ELMO1: variants seen among roughly 807,000 people sequenced by gnomAD.
ELMO1 encodes engulfment and cell motility 1, also known as engulfment and cell motility protein 1.
ELMO1 carries 26 observed loss-of-function variants against 98.9 expected under a neutral mutation model. That is an observed-to-expected ratio of 0.26 (90% confidence interval 0.19 to 0.36). ELMO1 has a LOEUF of 0.36. Among genes scored for constraint, ELMO1 ranks in the 10% least tolerant of loss-of-function variants. The probability of loss-of-function intolerance (pLI) is 1.00; values close to 1 mark genes in which losing one functional copy is unlikely to be tolerated. For synonymous variants in ELMO1, 346 were observed against 346.0 expected, an observed-to-expected ratio of 1.00 and a Z score of 0.00; for missense variants, 627 against 935.2, an observed-to-expected ratio of 0.67 and a Z score of 4.30.
chr7:37,373,169 C>G (rs1261263211), intron 1 of ELMO1, among the ~76,000 whole-genome samples: 1 of 152,182 alleles, frequency 6.6e-6, no homozygotes, highest in African/African-American at 2.4e-5. Flanking sequence ...TAGCAGAGGT[C>G]GGTTCTGGGA....
chr7:36,865,390 C>T (rs1050662320), intron 20 of ELMO1, among the ~76,000 whole-genome samples: 1 of 151,982 alleles, frequency 6.6e-6, no homozygotes, highest in East Asian at 1.9e-4. Flanking sequence ...TTTTAGAAGG[C>T]AAAAAACACT....
At chr7:37,323,873 G>A (rs2131156330) in intron 2 of ELMO1, among the ~76,000 whole-genome samples, 1 of 152,188 alleles carries the variant, frequency 6.6e-6, no homozygotes, top group Non-Finnish European at 1.5e-5. Flanking sequence ...AGGATGCCCT[G>A]CCACCCTTTT....
chr7:37,379,046 C>CT (rs59317031), intron 1 of ELMO1, among the ~76,000 whole-genome samples: 37 of 147,884 alleles, frequency 2.5e-4, no homozygotes, highest in Admixed American at 6.1e-4. Context: ...CATTCTTCTT[C>CT]TTTTTTTTTT....
chr7:37,049,969 A>G (rs998247201), intron 15 of ELMO1, among the ~76,000 whole-genome samples: 1 of 151,742 alleles, frequency 6.6e-6, no homozygotes, highest in Admixed American at 6.6e-5. Flanking sequence ...TAGTAGAGAC[A>G]GGGTTTCTCC....
rs1752878788 is a variant in ELMO1, at chr7:37,233,145, C to T, written c.499G>A (p.Asp167Asn). ...FTLTAFVELM[D>N]HGIVSWDTFS... ...GTATCCCAGGACACTATGCCATGGTCCATCAGCTCAACGAAGGCCGTCAGG... is the reference window on the plus strand; with the variant it reads ...GTATCCCAGGACACTATGCCATGGTTCATCAGCTCAACGAAGGCCGTCAGG... Residue 167 changes from aspartate (D) to asparagine (N), a missense_variant, in exon 8 of 22, where the codon GAC (aspartate) becomes AAC (asparagine). Physicochemically the swap from Asp to Asn is conservative, Grantham distance 23 (BLOSUM62 1). This residue lies in a region of ELMO1 where 12 missense variants were observed against 48.6 expected (regional missense o/e 0.25). Transcript: ENST00000310758. 1 of 1,613,600 alleles carries T rather than the reference C, an allele frequency of 6.2e-7. No homozygotes were observed. The highest frequency in any genetic ancestry group is 8.5e-7 in the Non-Finnish European group (1 of 1,179,846).
intron 16 of ELMO1, among the ~76,000 whole-genome samples, chr7:36,957,791 A>G (rs1194793199): frequency 1.3e-5 from 2 of 152,186 alleles, no homozygotes; most frequent in South Asian, 2.1e-4. Context: ...TTGTTCTGAG[A>G]GAAGGCTAAC....
chr7:37,448,562 C>G (rs1269565079), intron 1 of ELMO1, 113 bp downstream of exon 1: 1 of 152,112 alleles, frequency 6.6e-6, no homozygotes, highest in Non-Finnish European at 1.5e-5. Flanking sequence ...TCCGCGGCGC[C>G]CGGAGTCCCC....
intron 1 of ELMO1, among the ~76,000 whole-genome samples, chr7:37,406,433 AT>A (rs36052735): frequency 3.0e-4 from 44 of 148,450 alleles, no homozygotes; most frequent in African/African-American, 4.9e-4. Context: ...AAGTAAGAAA[AT>A]TTTTTTTTTT....
At chr7:36,970,180 AACACACACACACACACAC>A (rs56928749) in intron 16 of ELMO1, among the ~76,000 whole-genome samples, 35 of 144,242 alleles carry the variant, frequency 2.4e-4, no homozygotes, top group African/African-American at 6.2e-4. Context: ...TCATACACTT[AACACACACACACACACAC>A]ACACACACAC....
chr7:37,432,029 A>G (rs1804953477), intron 1 of ELMO1, among the ~76,000 whole-genome samples: 1 of 152,092 alleles, frequency 6.6e-6, no homozygotes, highest in Admixed American at 6.5e-5. Flanking sequence ...TTACAGGCAT[A>G]TGCCACCACG....
At chr7:37,131,088 A>G (rs543385131) in intron 14 of ELMO1, among the ~76,000 whole-genome samples, 3 of 152,078 alleles carry the variant, frequency 2.0e-5, no homozygotes, top group Non-Finnish European at 4.4e-5. Context: ...TCTATTGTCA[A>G]AGTCACCCTA....
intron 17 of ELMO1, among the ~76,000 whole-genome samples, chr7:36,890,201 T>A (rs1805432997): frequency 6.6e-6 from 1 of 152,074 alleles, no homozygotes; most frequent in Non-Finnish European, 1.5e-5. Flanking sequence ...TGCCAATAAA[T>A]AAAAGGAGGA....
intron 8 of ELMO1, among the ~76,000 whole-genome samples, chr7:37,231,656 G>A (rs1239728804): frequency 6.6e-6 from 1 of 152,158 alleles, no homozygotes; most frequent in East Asian, 1.9e-4. Context: ...CACTAAGGAG[G>A]CATGACAACC....
chr7:37,249,760 T>G (rs1357853552), intron 6 of ELMO1, among the ~76,000 whole-genome samples: 1 of 152,078 alleles, frequency 6.6e-6, no homozygotes, highest in Non-Finnish European at 1.5e-5. Context: ...CCACAAAAAT[T>G]TTGCTAAAAG....
chr7:36,901,208 G>A (rs988277280), intron 16 of ELMO1, among the ~76,000 whole-genome samples: 1 of 152,182 alleles, frequency 6.6e-6, no homozygotes, highest in African/African-American at 2.4e-5. Context: ...ATCAGGGAGT[G>A]GAGTACCTAG....
chr7:36,893,601 C>G (rs1417947720), intron 17 of ELMO1, among the ~76,000 whole-genome samples: 1 of 152,126 alleles, frequency 6.6e-6, no homozygotes, highest in Non-Finnish European at 1.5e-5. Context: ...AGCTATTGTC[C>G]TTTTAGACCT....
At chr7:37,198,890 G>A (rs1792121383) in intron 13 of ELMO1, among the ~76,000 whole-genome samples, 1 of 152,218 alleles carries the variant, frequency 6.6e-6, no homozygotes, top group Non-Finnish European at 1.5e-5. Context: ...GGAAGATTCT[G>A]GCTGGAAAAG....
chr7:36,946,712 A>G (rs1236219958), intron 16 of ELMO1, among the ~76,000 whole-genome samples: 3 of 152,112 alleles, frequency 2.0e-5, no homozygotes, highest in Non-Finnish European at 4.4e-5. Flanking sequence ...TATCCTCTTC[A>G]GTCTTTTGGG....
At chr7:37,280,506 G>GA (rs929482154) in intron 4 of ELMO1, among the ~76,000 whole-genome samples, 275 of 145,222 alleles carry the variant, frequency 1.9e-3, no homozygotes, top group Middle Eastern at 3.5e-3. Context: ...AAATCAGTAA[G>GA]AAAAAAAAAA....
Sources: allele counts gnomAD v4.1 joint callset (sites outside exome capture counted in the v4.1 genomes callset), GRCh38; gene constraint gnomAD v4.1.1; regional missense constraint gnomAD v4.1.1; transcripts MANE v1.5; gene names NCBI Gene and HGNC (gene_info 2026-07-23, HGNC 2026-07-21).